TCERG1: variants seen among roughly 807,000 people sequenced by gnomAD.
The protein encoded by TCERG1 is transcription elongation regulator 1.
In TCERG1, 37 loss-of-function variants were observed where a neutral mutation model predicts 144.7. That is an observed-to-expected ratio of 0.26 (90% CI 0.20 to 0.34). TCERG1 has a LOEUF of 0.34. TCERG1 is among the 10% of genes least tolerant of loss of function. The pLI is 1.00. For synonymous variants in TCERG1, 492 were observed against 458.2 expected (o/e 1.07, Z -0.94); for missense variants, 1,027 against 1,380.7 (o/e 0.74, Z 4.06).
At chr5:146,496,575 A>G (rs1766923580) in intron 16 of TCERG1, among the ~76,000 whole-genome samples, 1 of 152,086 alleles carries the variant, frequency 6.6e-6, no homozygotes, top group Non-Finnish European at 1.5e-5. Flanking sequence ...TATTTTCTGC[A>G]TCTCTGCCAA....
At position 146,499,054 on chromosome 5, in the gene TCERG1, T is replaced by C. The variant is rs903795089; in HGVS notation, c.2433+368T>C. On this transcript the variant is annotated intron_variant, in intron 17 of 22. Coordinates refer to ENST00000679501, the MANE Select transcript of TCERG1 (RefSeq NM_001382548.1). ...AAGCTTCTTTATCTTTTTTGCCCTC[T>C]AAAAGATAGCATTTTAGTGACTTTC... Among the ~76,000 whole-genome samples, 28 of 152,222 alleles carry C rather than the reference T, an allele frequency of 1.8e-4. 1 individual carries two copies. Among genetic ancestry groups the C allele is most frequent in the Admixed American group, 1.8e-3 (27 of 15,280 alleles).
intron 9 of TCERG1, among the ~76,000 whole-genome samples, chr5:146,473,781 G>A (rs1471445594): frequency 6.6e-6 from 1 of 152,184 alleles, no homozygotes; most frequent in Admixed American, 6.5e-5. Context: ...GCCCACTGTT[G>A]AGACTTACTG....
chr5:146,458,136 C>T (rs1173870143), intron 3 of TCERG1, among the ~76,000 whole-genome samples: 1 of 152,018 alleles, frequency 6.6e-6, no homozygotes, highest in Non-Finnish European at 1.5e-5. Context: ...CAGGCGTGAG[C>T]CACTGTGCCT....
intron 3 of TCERG1, among the ~76,000 whole-genome samples, chr5:146,458,303 A>C (rs1378556686): frequency 1.3e-5 from 2 of 149,912 alleles, no homozygotes; most frequent in Non-Finnish European, 3.0e-5. Context: ...CAGCCTCCCA[A>C]GTAGCTGGGA....
intron 17 of TCERG1, 93 bp downstream of exon 17, chr5:146,498,779 A>G (rs780018950): frequency 2.2e-6 from 3 of 1,360,372 alleles, no homozygotes; most frequent in African/African-American, 1.5e-5. Flanking sequence ...ATTCATTGGC[A>G]TAAATAATAG....
intron 14 of TCERG1, 72 bp downstream of exon 14, chr5:146,482,799 C>T: frequency 6.8e-7 from 1 of 1,474,670 alleles, no homozygotes; most frequent in Admixed American, 2.1e-5. Flanking sequence ...GCTAAAAGGT[C>T]AAATCTAAGG....
rs577460645 is a variant in TCERG1 at position 146,470,315 on chromosome 5, CT to C, written c.1400-317del. ...CATTGTGCCCAGCTCACCAAACCCC[CT>C]TTTCTATTCCTAAGTATCTTAGTAT... On this transcript the variant is annotated intron_variant, in intron 7 of 22. Coordinates refer to ENST00000679501, the MANE Select transcript of TCERG1 (RefSeq NM_001382548.1). 1.1e-4 allele frequency among the ~76,000 whole-genome samples: 16 copies of C among 152,292 alleles called. No individual in the cohort carries two copies. The East Asian group carries it at 2.5e-3, about 24-fold the overall frequency.
rs147937372 is a variant in TCERG1, at chr5:146,478,696, T to A, written c.1762+43T>A. 4.0e-6 allele frequency: 6 copies of A among 1,499,104 alleles called. No homozygotes were observed. In the Admixed American group the frequency reaches 1.2e-4, roughly 31 times the overall value. 92.9% of individuals were successfully genotyped at this position (1,499,104 alleles called of 1,614,324 possible). On this transcript the variant is annotated intron_variant, in intron 10 of 22. Transcript: ENST00000679501. The stretch of plus-strand genomic sequence containing the variant: ...AATTTATCCACTGATTTTAACATTC[T>A]TTTCATATTTTGATAGAAAATGTGG...
Position 146,459,102 on chromosome 5 carries a change from C to T in TCERG1, c.657C>T (p.Ala219=), listed in dbSNP as rs749062766. ...AQAQAQAQAQ[A]QAQAQAQAQA... is the part of the protein sequence containing the mutation. Reference sequence around the variant, plus strand: ...CCCAGGCCCAGGCCCAGGCCCAGGCCCAGGCCCAAGCCCAAGCCCAGGCCC... The same window carrying T: ...CCCAGGCCCAGGCCCAGGCCCAGGCTCAGGCCCAAGCCCAAGCCCAGGCCC... Residue 219 remains alanine (A), a synonymous_variant, in exon 4 of 23, where the codon GCC becomes GCT. Transcript: ENST00000679501. 6.3e-7 allele frequency: 1 copy of T among 1,594,314 alleles called. No homozygotes were observed. The highest frequency in any genetic ancestry group is 8.6e-7 in the Non-Finnish European group (1 of 1,165,478).
chr5:146,482,665 A>G lies in TCERG1; in HGVS notation c.2011A>G (p.Arg671Gly). The G allele has an allele frequency of 6.2e-7, 1 of 1,613,396 alleles. No individual in the cohort carries two copies. The highest frequency in any genetic ancestry group is 8.5e-7 in the Non-Finnish European group (1 of 1,179,550). ...AGCTGAAATTAAAGCTGCCCGAGAA[A>G]GGGCCATTGTCCCTCTGGAGGCTCG... Reference protein sequence around the residue: ...MEAEIKAARERAIVPLEARMK... With the variant: ...MEAEIKAAREGAIVPLEARMK... Residue 671 changes from arginine (R) to glycine (G), a missense_variant, in exon 14 of 23, where the codon AGG (arginine) becomes GGG (glycine). This residue lies in a region of TCERG1 where 482 missense variants were observed against 632.6 expected (regional missense o/e 0.76). Coordinates refer to ENST00000679501, the MANE Select transcript of TCERG1 (RefSeq NM_001382548.1).
At chr5:146,457,102 G>A (rs1328832476) in intron 2 of TCERG1, 81 bp from the exon 3 acceptor site, 3 of 1,542,340 alleles carry the variant, frequency 1.9e-6, no homozygotes, top group Non-Finnish European at 1.8e-6. Context: ...CTCTTACAGT[G>A]TTTTACTTTT....
chr5:146,504,070 T>C (rs922531583), intron 19 of TCERG1, 64 bp downstream of exon 19: 5 of 1,320,158 alleles, frequency 3.8e-6, no homozygotes, highest in East Asian at 2.6e-5. Context: ...ATTATGTTAC[T>C]GTTATGAATA....
In TCERG1 at chr5:146,511,149, C is replaced by T. The variant is rs1165110077; in HGVS notation, c.*507C>T. The T allele has an allele frequency of 6.6e-6, 1 of 152,554 alleles. No homozygotes were observed. The highest frequency in any genetic ancestry group is 1.9e-4 in the East Asian group (1 of 5,186). The allele number at this position is 152,554 out of a possible 1,614,324, so 9.5% of individuals were successfully genotyped here. ...ATGGACAATACTTTTACCTTTGTCTCTAAAGATCAGATTAGTTTTATTTGT... is the reference window on the plus strand; with the variant it reads ...ATGGACAATACTTTTACCTTTGTCTTTAAAGATCAGATTAGTTTTATTTGT... On this transcript the variant is annotated 3_prime_UTR_variant, in exon 23 of 23. Transcript: ENST00000679501.
At chr5:146,455,035 A>G (rs576271533) in intron 1 of TCERG1, 21 bp from the exon 2 acceptor site, 1 of 1,610,314 alleles carries the variant, frequency 6.2e-7, no homozygotes, top group African/African-American at 1.3e-5. Context: ...AGAAAAATTT[A>G]TTCCTTGCTT....
At position 146,511,182 on chromosome 5, in the gene TCERG1, C is replaced by G. The variant is rs532048786; in HGVS notation, c.*540C>G. The G allele has an allele frequency of 6.6e-6, 1 of 152,580 alleles. No homozygotes were observed. The highest frequency in any genetic ancestry group is 2.4e-5 in the African/African-American group (1 of 41,426). The allele number at this position is 152,580 out of a possible 1,614,324, so 9.5% of individuals were successfully genotyped here. ...CAGATTAGTTTTATTTGTTCACTTA[C>G]GTGCTTTGATTATCCCCTCTGAATT... On this transcript the variant is annotated 3_prime_UTR_variant, in exon 23 of 23. Coordinates refer to ENST00000679501, the MANE Select transcript of TCERG1 (RefSeq NM_001382548.1).
chr5:146,478,177 A>G (rs184919319), intron 9 of TCERG1, among the ~76,000 whole-genome samples: 247 of 152,306 alleles, frequency 1.6e-3, no homozygotes, highest in Admixed American at 4.0e-3. Flanking sequence ...CATTAAACTC[A>G]TTCTTTCTGA....
At chr5:146,483,705 C>T in intron 15 of TCERG1, 76 bp downstream of exon 15, 5 of 1,162,182 alleles carry the variant, frequency 4.3e-6, no homozygotes, top group Non-Finnish European at 6.1e-6. Flanking sequence ...GAATAAAGTA[C>T]CATCCCTTTT....
At chr5:146,447,452 CCA>C (rs1561621052) in intron 1 of TCERG1, 44 bp downstream of exon 1, 1 of 1,591,690 alleles carries the variant, frequency 6.3e-7, no homozygotes, top group East Asian at 2.3e-5. Flanking sequence ...CACGAGAGCC[CCA>C]GAGGCTAGAC....
At chr5:146,447,559 G>A (rs1205005976) in intron 1 of TCERG1, 151 bp downstream of exon 1, 3 of 1,042,704 alleles carry the variant, frequency 2.9e-6, no homozygotes, top group Non-Finnish European at 4.1e-6. Context: ...AGGGGGAAGG[G>A]GAAGGTGGCT....
Sources: allele counts gnomAD v4.1 joint callset (sites outside exome capture counted in the v4.1 genomes callset), GRCh38; gene constraint gnomAD v4.1.1; regional missense constraint gnomAD v4.1.1; transcripts MANE v1.5; gene names NCBI Gene and HGNC (gene_info 2026-07-23, HGNC 2026-07-21).